The following CAMTA1 variants were observed in gnomAD, a reference collection of about 807,000 sequenced individuals.
The protein encoded by CAMTA1 is calmodulin-binding transcription activator 1.
A neutral mutation model predicts 170.9 loss-of-function variants in CAMTA1; 27 were observed. The observed-to-expected ratio is 0.16, with a 90% CI of 0.12 to 0.22. The LOEUF is 0.22. Among genes scored for constraint, CAMTA1 ranks in the 10% least tolerant of loss-of-function variants. CAMTA1 has a pLI of 1.00. For missense variants in CAMTA1, 1,619 were observed against 2,217.2 expected, an observed-to-expected ratio of 0.73 and a Z score of 5.42; for synonymous variants, 833 against 891.5, an observed-to-expected ratio of 0.93 and a Z score of 1.17.
intron 3 of CAMTA1, among the ~76,000 whole-genome samples, chr1:7,079,507 C>G (rs1192631836): frequency 6.6e-6 from 1 of 151,982 alleles, no homozygotes; most frequent in Non-Finnish European, 1.5e-5. Flanking sequence ...GAATCTCACT[C>G]TGTCATCCAG....
chr1:7,696,258 G>A (rs559673508), intron 11 of CAMTA1, among the ~76,000 whole-genome samples: 7 of 152,190 alleles, frequency 4.6e-5, no homozygotes, highest in Admixed American at 3.3e-4. Context: ...GTACAGTGGC[G>A]CAATCTCGGC....
intron 11 of CAMTA1, among the ~76,000 whole-genome samples, chr1:7,706,921 C>G (rs943733785): frequency 7.5e-6 from 1 of 134,066 alleles, no homozygotes; most frequent in South Asian, 2.3e-4. Flanking sequence ...GAGTCTCGCT[C>G]TGTTGCCCAG....
At chr1:7,556,538 T>A (rs951686162) in intron 6 of CAMTA1, among the ~76,000 whole-genome samples, 1 of 152,206 alleles carries the variant, frequency 6.6e-6, no homozygotes, top group African/African-American at 2.4e-5. Context: ...ATTACAGCCA[T>A]GCACACGCAC....
intron 5 of CAMTA1, among the ~76,000 whole-genome samples, chr1:7,379,334 A>G (rs2087095412): frequency 6.6e-6 from 1 of 152,172 alleles, no homozygotes; most frequent in East Asian, 1.9e-4. Flanking sequence ...AAGTTTTTTT[A>G]TTGTGGTCTG....
chr1:7,750,691 G>A (rs181385380), intron 19 of CAMTA1, among the ~76,000 whole-genome samples: 1 of 152,270 alleles, frequency 6.6e-6, no homozygotes, highest in African/African-American at 2.4e-5. Flanking sequence ...AGGTGTCAGC[G>A]TTTCATGATA....
intron 3 of CAMTA1, among the ~76,000 whole-genome samples, chr1:7,076,581 T>C (rs925937247): frequency 6.6e-6 from 1 of 152,328 alleles, no homozygotes; most frequent in Non-Finnish European, 1.5e-5. Flanking sequence ...TATAGACTTA[T>C]CAGTGGTCAG....
intron 11 of CAMTA1, among the ~76,000 whole-genome samples, chr1:7,727,291 T>A (rs1558231443): frequency 6.6e-6 from 1 of 151,906 alleles, no homozygotes; most frequent in African/African-American, 2.4e-5. Context: ...CCCGGCTAAT[T>A]TTTTGTATTT....
chr1:7,585,815 TG>T lies in CAMTA1; in HGVS notation c.511-54584del, dbSNP rs1334549363. On this transcript the variant is annotated intron_variant, in intron 6 of 22. Transcript: ENST00000303635. This position sits in a 1 kb window ranked among gnomAD's most constrained non-coding sequence, Gnocchi z 4.8. ...TGTCCCTCATCCACCTCCAGCTTCC[TG>T]CTGCGGGGCCTTAGTAGACTCAGCC... Among the ~76,000 whole-genome samples the T allele has an allele frequency of 4.0e-5, 6 of 151,894 alleles. No homozygotes were observed. Among genetic ancestry groups the T allele is most frequent in the Non-Finnish European group, 8.8e-5 (6 of 67,986 alleles).
intron 6 of CAMTA1, among the ~76,000 whole-genome samples, chr1:7,496,092 C>T (rs528424321): frequency 6.6e-6 from 1 of 152,326 alleles, no homozygotes; most frequent in East Asian, 1.9e-4. Flanking sequence ...TGTGCAGACC[C>T]AGCCGCCAGG....
chr1:7,276,303 A>ATATTTTTTTTTTTTTTTTTTTTTTTTT, intron 5 of CAMTA1, among the ~76,000 whole-genome samples: 1 of 24,232 alleles, frequency 4.1e-5, no homozygotes, highest in East Asian at 1.5e-3. Flanking sequence ...ATATATATAT[A>ATATTTTTTTTTTTTTTTTTTTTTTTTT]TTTTTTTTTT....
chr1:7,192,575 T>C (rs1654740592), intron 4 of CAMTA1, among the ~76,000 whole-genome samples: 1 of 152,178 alleles, frequency 6.6e-6, no homozygotes, highest in South Asian at 2.1e-4. Context: ...TGTCTGTGCT[T>C]GTGGCCGCTG....
rs1259223235 is a variant in CAMTA1 at position 7,426,058 on chromosome 1, G to A, written c.439-41772G>A. Among the ~76,000 whole-genome samples, 1 of 152,200 alleles carries A rather than the reference G, an allele frequency of 6.6e-6. No individual in the cohort carries two copies. Among genetic ancestry groups the A allele is most frequent in the African/African-American group, 2.4e-5 (1 of 41,432 alleles). On this transcript the variant is annotated intron_variant, in intron 5 of 22. Coordinates refer to ENST00000303635, the MANE Select transcript of CAMTA1 (RefSeq NM_015215.4). The surrounding 1 kb of genome is among the most constrained non-coding windows in gnomAD (Gnocchi z 4.8). ...CAGGTGAGCTGCGGTCCTGGAAAAG[G>A]TGGCAGGGTAGGGGCCTCCTGGCAT...
At chr1:7,461,899 A>G (rs939643603) in intron 5 of CAMTA1, among the ~76,000 whole-genome samples, 1 of 152,250 alleles carries the variant, frequency 6.6e-6, no homozygotes, top group Non-Finnish European at 1.5e-5. Flanking sequence ...TTGTGTCTGT[A>G]TCATATGCAG....
At chr1:7,483,271 T>G (rs189630801) in intron 6 of CAMTA1, among the ~76,000 whole-genome samples, 1 of 152,360 alleles carries the variant, frequency 6.6e-6, no homozygotes, top group East Asian at 1.9e-4. Context: ...TCAGGAGTCC[T>G]GCTTCAGCCA....
At chr1:7,705,343 C>G (rs541223040) in intron 11 of CAMTA1, among the ~76,000 whole-genome samples, 2 of 146,586 alleles carry the variant, frequency 1.4e-5, no homozygotes, top group African/African-American at 5.1e-5. Flanking sequence ...GGCCGTGTGT[C>G]TGGAGTGGCC....
At chr1:7,418,364 A>T (rs997598944) in intron 5 of CAMTA1, among the ~76,000 whole-genome samples, 8 of 152,004 alleles carry the variant, frequency 5.3e-5, no homozygotes, top group African/African-American at 1.2e-4. Context: ...GTGCCTGACT[A>T]ATTTTTGTAT....
At chr1:7,750,184 T>C (rs1052219507) in intron 19 of CAMTA1, among the ~76,000 whole-genome samples, 2 of 152,226 alleles carry the variant, frequency 1.3e-5, no homozygotes, top group Admixed American at 6.5e-5. Flanking sequence ...TCAAAGACTT[T>C]CAGACCAGTG....
At chr1:7,221,956 C>A (rs1004894202) in intron 4 of CAMTA1, among the ~76,000 whole-genome samples, 2 of 152,006 alleles carry the variant, frequency 1.3e-5, no homozygotes, top group African/African-American at 4.8e-5. Context: ...CACAGGCTTC[C>A]TGTAGTCCTC....
chr1:7,499,770 AGTG>A (rs1557824415), intron 6 of CAMTA1, among the ~76,000 whole-genome samples: 2 of 120,060 alleles, frequency 1.7e-5, no homozygotes, highest in Non-Finnish European at 3.5e-5. Context: ...GCCTGTTGTG[AGTG>A]TGTGTGTCCA....
Sources: allele counts gnomAD v4.1 joint callset (sites outside exome capture counted in the v4.1 genomes callset), GRCh38; gene constraint gnomAD v4.1.1; non-coding constraint Gnocchi (gnomAD v3.1); transcripts MANE v1.5; gene names NCBI Gene and HGNC (gene_info 2026-07-23, HGNC 2026-07-21).